Variants in C1orf167 observed in about 807,000 individuals in gnomAD.
C1orf167 encodes chromosome 1 open reading frame 167.
A neutral mutation model predicts 176.5 loss-of-function variants in C1orf167; 153 were observed. The observed-to-expected ratio is 0.87, with a 90% CI of 0.76 to 0.99. The LOEUF (loss-of-function observed/expected upper bound fraction) is 0.99. Ranked by LOEUF, C1orf167 falls within the 50% of genes least tolerant of loss-of-function variation. The pLI is 0.00. For synonymous variants in C1orf167, 594 were observed against 752.7 expected, an observed-to-expected ratio of 0.79 and a Z score of 3.45; for missense variants, 1,490 against 1,817.7, an observed-to-expected ratio of 0.82 and a Z score of 3.28.
At position 11,766,978 on chromosome 1, in the gene C1orf167, C is replaced by T; in HGVS notation, c.1192C>T (p.Pro398Ser). ...AFSNTAWGVS[P>S]KQKGEEGAPR... is the part of the protein sequence containing the mutation. ...CTCCAACACAGCCTGGGGAGTCTCACCCAAGCAGAAAGGAGAGGAGGGGGC... is the reference window on the plus strand; with the variant it reads ...CTCCAACACAGCCTGGGGAGTCTCATCCAAGCAGAAAGGAGAGGAGGGGGC... The change falls in exon 3 of 21, where the codon CCC becomes TCC. Residue 398 changes from proline (P) to serine (S), a missense_variant. Pro to Ser is a moderately conservative substitution (Grantham distance 74, BLOSUM62 -1). Coordinates refer to ENST00000688073, the MANE Select transcript of C1orf167 (RefSeq NM_001010881.2). This position sits in a 1 kb window ranked among gnomAD's most constrained non-coding sequence, Gnocchi z 4.5. 1 of 1,207,150 alleles carries T rather than the reference C, an allele frequency of 8.3e-7. No homozygotes were observed. Among genetic ancestry groups the T allele is most frequent in the African/African-American group, 1.6e-5 (1 of 63,280 alleles). The allele number at this position is 1,207,150 out of a possible 1,614,324, so 74.8% of individuals were successfully genotyped here.
chr1:11,767,338 T>C, intron 4 of C1orf167, 74 bp downstream of exon 4: 1 of 1,191,994 alleles, frequency 8.4e-7, no homozygotes, highest in Non-Finnish European at 1.1e-6. Context: ...CCCATTTGCC[T>C]GTCCAAATGG....
intron 14 of C1orf167, among the ~76,000 whole-genome samples, chr1:11,783,291 A>C (rs1050602445): frequency 7.9e-5 from 12 of 152,204 alleles, no homozygotes; most frequent in Non-Finnish European, 1.6e-4. Context: ...CTTGTTGCCC[A>C]GGTTGGAGTG....
At chr1:11,763,693 C>A (rs1393155396) in intron 1 of C1orf167, among the ~76,000 whole-genome samples, 1 of 152,130 alleles carries the variant, frequency 6.6e-6, no homozygotes, top group African/African-American at 2.4e-5. Context: ...GATTTGATTT[C>A]AGTGTTTACA....
chr1:11,763,377 G>A (rs559939051), intron 1 of C1orf167, among the ~76,000 whole-genome samples: 4 of 151,890 alleles, frequency 2.6e-5, no homozygotes, highest in Admixed American at 6.6e-5. Context: ...GGAGGCAGGC[G>A]GAGGTTGCAG....
chr1:11,767,510 C>T (rs558751453), intron 4 of C1orf167, among the ~76,000 whole-genome samples: 23 of 152,186 alleles, frequency 1.5e-4, no homozygotes, highest in Admixed American at 3.9e-4. Flanking sequence ...TCCAAGGCCA[C>T]CCTGGGTTTT....
chr1:11,763,442 CAAAAAA>C (rs34701302), intron 1 of C1orf167, among the ~76,000 whole-genome samples: 1 of 107,814 alleles, frequency 9.3e-6, no homozygotes. Context: ...GACTCCGGCT[CAAAAAA>C]AAAAAAAAAA....
chr1:11,764,627 C>T (rs1391275993), intron 2 of C1orf167, 157 bp downstream of exon 2: 4 of 520,704 alleles, frequency 7.7e-6, no homozygotes, highest in African/African-American at 6.0e-5. Flanking sequence ...CAGAGTCTTC[C>T]CAGCCTGGGG....
In C1orf167 at chr1:11,782,329, C is replaced by A; in HGVS notation, c.3001C>A (p.Gln1001Lys). The change falls in exon 14 of 21, where the codon CAG becomes AAG. Residue 1001 changes from glutamine to lysine, a missense_variant. By Grantham distance (53) the Gln-to-Lys change is moderately conservative. Transcript: ENST00000688073. ...TVTRPEQLLL[Q>K]SYFQAWCEVV... The stretch of plus-strand genomic sequence containing the variant: ...GACCCGGCCAGAGCAGCTGCTACTG[C>A]AGAGGTGGGTGGGCCTGGGGGTGGG... 1 of 1,245,296 alleles carries A rather than the reference C, an allele frequency of 8.0e-7. No homozygotes were observed. The highest frequency in any genetic ancestry group is 1.0e-6 in the Non-Finnish European group (1 of 957,022). 77.1% of individuals were successfully genotyped at this position (1,245,296 alleles called of 1,614,324 possible). A position where few individuals can be genotyped will look rare whatever the true frequency, so the allele number is the denominator to read the frequency against.
At chr1:11,771,989 C>T (rs567062575) in intron 7 of C1orf167, 93 bp from the exon 8 acceptor site, 7 of 1,021,338 alleles carry the variant, frequency 6.9e-6, no homozygotes, top group East Asian at 6.2e-5. Context: ...GGGTGCCCTG[C>T]GACAGGCACC....
At chr1:11,783,183 A>G (rs1643673839) in intron 14 of C1orf167, among the ~76,000 whole-genome samples, 1 of 152,120 alleles carries the variant, frequency 6.6e-6, no homozygotes, top group Admixed American at 6.5e-5. Context: ...GGGGCAGTGA[A>G]CTGTTGGCTA....
rs145704616 is a variant in C1orf167, at chr1:11,779,139, C to A, written c.2651+59C>A. ...TGGACTTACTGTTTCCCGGCCCCTT[C>A]TCCCTTCCACCCTTGGCCTTCACAG... On this transcript the variant is annotated intron_variant, in intron 12 of 20. Coordinates refer to ENST00000688073, the MANE Select transcript of C1orf167 (RefSeq NM_001010881.2). 202 of 1,203,464 alleles carry A rather than the reference C, an allele frequency of 1.7e-4. 1 individual carries two copies. The African/African-American group carries it at 3.0e-3, about 18-fold the overall frequency. The allele number at this position is 1,203,464 out of a possible 1,614,324, so 74.5% of individuals were successfully genotyped here. A position where few individuals can be genotyped will look rare whatever the true frequency, so the allele number is the denominator to read the frequency against.
intron 9 of C1orf167, 50 bp from the exon 10 acceptor site, chr1:11,776,414 G>A (rs1643318087): frequency 1.6e-6 from 2 of 1,275,676 alleles, no homozygotes; most frequent in Non-Finnish European, 2.1e-6. Context: ...GCTGTGGGCA[G>A]AGTGAGGTCA....
At position 11,776,467 on chromosome 1, in the gene C1orf167, G is replaced by C; in HGVS notation, c.2168G>C (p.Arg723Pro). The C allele has an allele frequency of 7.7e-7, 1 of 1,301,626 alleles. No individual in the cohort carries two copies. Among genetic ancestry groups the C allele is most frequent in the Admixed American group, 2.3e-5 (1 of 43,042 alleles). 80.6% of individuals were successfully genotyped at this position (1,301,626 alleles called of 1,614,324 possible). A position where few individuals can be genotyped will look rare whatever the true frequency, so the allele number is the denominator to read the frequency against. ...QLSLCRQKAG[R>P]EAVYTAGPGA... is the part of the protein sequence containing the mutation. ...TGGACTCTTGACGGTTTCTCAGGACGTGAGGCTGTCTACACCGCAGGCCCT... is the reference window on the plus strand; with the variant it reads ...TGGACTCTTGACGGTTTCTCAGGACCTGAGGCTGTCTACACCGCAGGCCCT... The change falls in exon 10 of 21, where the codon CGT becomes CCT. Residue 723 changes from arginine (R) to proline (P), a missense_variant. Coordinates refer to ENST00000688073, the MANE Select transcript of C1orf167 (RefSeq NM_001010881.2).
chr1:11,766,917 G>A lies in C1orf167; in HGVS notation c.1131G>A (p.Val377=). The stretch of plus-strand genomic sequence containing the variant: ...GTGACCCCAGTCTCCCTCGAGGGGT[G>A]GGAAGCAGGGGGACCGACCCCTGTT... The part of the protein sequence containing the change: ...QRGDPSLPRG[V]GSRGTDPCSS... The change falls in exon 3 of 21, where the codon GTG becomes GTA. Residue 377 remains valine (V), a synonymous_variant. Transcript: ENST00000688073. The surrounding 1 kb of genome is among the most constrained non-coding windows in gnomAD (Gnocchi z 4.5). 2.5e-6 allele frequency: 3 copies of A among 1,220,688 alleles called. No individual in the cohort carries two copies. Among genetic ancestry groups the A allele is most frequent in the East Asian group, 5.7e-5 (1 of 17,394 alleles). The allele number at this position is 1,220,688 out of a possible 1,614,324, so 75.6% of individuals were successfully genotyped here.
At position 11,788,687 on chromosome 1, in the gene C1orf167, G is replaced by A. The variant is rs886045182; in HGVS notation, c.4114G>A (p.Val1372Met). The change falls in exon 20 of 21, where the codon GTG becomes ATG. Residue 1372 changes from valine to methionine, a missense_variant. Transcript: ENST00000688073. ...GGCACCTGAGATGGGCCTGGCAGAC[G>A]TGGTGGCAGCGGATCCTGCGACTGC... is the stretch of plus-strand genomic sequence containing the variant. ...GVAPEMGLAD[V>M]VAADPATASG... The A allele has an allele frequency of 8.4e-6, 11 of 1,304,292 alleles. No individual in the cohort carries two copies. The highest frequency in any genetic ancestry group is 4.9e-5 in the South Asian group (4 of 81,034). 80.8% of individuals were successfully genotyped at this position (1,304,292 alleles called of 1,614,324 possible). A position where few individuals can be genotyped will look rare whatever the true frequency, so the allele number is the denominator to read the frequency against.
chr1:11,785,370 C>T, intron 16 of C1orf167, 81 bp downstream of exon 16: 1 of 1,186,022 alleles, frequency 8.4e-7, no homozygotes, highest in Non-Finnish European at 1.1e-6. Context: ...ACGCCCCAGC[C>T]CCTTGGAAAC....
At position 11,780,549 on chromosome 1, in the gene C1orf167, T is replaced by C. The variant is rs909512373; in HGVS notation, c.2860+539T>C. On this transcript the variant is annotated intron_variant, in intron 13 of 20. Transcript: ENST00000688073. ...TCCCTGCTCTTCCATACCCTGACTG[T>C]GTGAAACTTAAACAACCTAGTTAAC... is the stretch of plus-strand genomic sequence containing the variant. Among the ~76,000 whole-genome samples the C allele has an allele frequency of 4.6e-5, 7 of 152,216 alleles. No individual in the cohort carries two copies. In the South Asian group the frequency reaches 6.2e-4, roughly 13 times the overall value.
rs1043022403 is a variant in C1orf167 at position 11,784,484 on chromosome 1, G to T, written c.3316G>T (p.Ala1106Ser). ...HEAQQQAGESAGAQAAQCWTW... is the reference protein window; with the variant it reads ...HEAQQQAGESSGAQAAQCWTW... The stretch of plus-strand genomic sequence containing the variant: ...GGCCCAGCAGCAGGCAGGAGAGAGC[G>T]CTGGGGCCCAGGCAGCCCAGTGCTG... Residue 1106 changes from alanine (A) to serine (S), a missense_variant, in exon 15 of 21, where the codon GCT becomes TCT. Transcript: ENST00000688073. The T allele has an allele frequency of 1.5e-6, 2 of 1,303,178 alleles. No homozygotes were observed. The highest frequency in any genetic ancestry group is 1.1e-4 in the East Asian group (2 of 18,026). 80.7% of individuals were successfully genotyped at this position (1,303,178 alleles called of 1,614,324 possible). A position where few individuals can be genotyped will look rare whatever the true frequency, so the allele number is the denominator to read the frequency against.
chr1:11,789,269 G>A lies in C1orf167; in HGVS notation c.4174-1G>A. On this transcript the variant is annotated splice_acceptor_variant, in intron 20 of 20. Coordinates refer to ENST00000688073, the MANE Select transcript of C1orf167 (RefSeq NM_001010881.2). LOFTEE classifies it high-confidence loss of function. ...GCATTTCCTCTCCTCCCTGGTTCCA[G>A]GCCTTTAAGAAGTGGCACCAACGCC... 1 of 1,303,856 alleles carries A rather than the reference G, an allele frequency of 7.7e-7. No homozygotes were observed. The highest frequency in any genetic ancestry group is 1.0e-6 in the Non-Finnish European group (1 of 988,848). 80.8% of individuals were successfully genotyped at this position (1,303,856 alleles called of 1,614,324 possible).
Sources: gnomAD v4.1 joint callset for allele counts (sites outside exome capture counted in the v4.1 genomes callset) on GRCh38, gnomAD v4.1.1 for gene constraint, Gnocchi (gnomAD v3.1) non-coding constraint, MANE v1.5 for transcripts, NCBI Gene and HGNC (gene_info 2026-07-23, HGNC 2026-07-21) for gene names.